The following TMEM132C variants were observed in gnomAD, a reference collection of about 807,000 sequenced individuals.
The protein encoded by TMEM132C is transmembrane protein 132C.
A neutral mutation model predicts 61.4 loss-of-function variants in TMEM132C; 29 were observed. The ratio of observed to expected loss-of-function variants is 0.47; its 90% CI spans 0.35 to 0.64. TMEM132C has a LOEUF of 0.64. Among genes scored for constraint, TMEM132C ranks in the 30% least tolerant of loss-of-function variants. The pLI is 0.00. For missense variants in TMEM132C, 1,408 were observed against 1,476.9 expected, an observed-to-expected ratio of 0.95 and a Z score of 0.76; for synonymous variants, 656 against 633.1, an observed-to-expected ratio of 1.04 and a Z score of -0.54.
At chr12:128,618,562 C>T (rs1041152054) in intron 4 of TMEM132C, among the ~76,000 whole-genome samples, 43 of 152,148 alleles carry the variant, frequency 2.8e-4, no homozygotes, top group African/African-American at 9.9e-4. Context: ...CCATAATTCC[C>T]ACATGTTGTG....
At chr12:128,639,162 G>GTGA (rs755085482) in intron 4 of TMEM132C, among the ~76,000 whole-genome samples, 15 of 122,404 alleles carry the variant, frequency 1.2e-4, no homozygotes, top group African/African-American at 2.5e-4. Flanking sequence ...GATGGTGATG[G>GTGA]TGGTGATGGT....
chr12:128,608,208 G>A (rs1876494297), intron 3 of TMEM132C, among the ~76,000 whole-genome samples: 1 of 151,906 alleles, frequency 6.6e-6, no homozygotes, highest in African/African-American at 2.4e-5. Context: ...GCTACCATAT[G>A]CATTAAGCTC....
chr12:128,510,482 G>A (rs10773548), intron 2 of TMEM132C, among the ~76,000 whole-genome samples: 136,054 of 152,190 alleles, frequency 0.89, 62,682 homozygotes, highest in East Asian at 1. Context: ...CCGGGCTAAG[G>A]CCTCTCAAGC....
chr12:128,359,302 T>C (rs779615072), intron 1 of TMEM132C, among the ~76,000 whole-genome samples: 25 of 152,118 alleles, frequency 1.6e-4, no homozygotes, highest in Non-Finnish European at 3.7e-4. Flanking sequence ...GCAAGGGACG[T>C]CTTACATGGT....
chr12:128,586,624 T>G (rs982815499), intron 3 of TMEM132C, among the ~76,000 whole-genome samples: 1 of 152,250 alleles, frequency 6.6e-6, no homozygotes, highest in African/African-American at 2.4e-5. Flanking sequence ...GTATCTTCCT[T>G]GTTTTGTTCT....
chr12:128,494,198 GC>G (rs1871856533), intron 2 of TMEM132C, among the ~76,000 whole-genome samples: 1 of 152,186 alleles, frequency 6.6e-6, no homozygotes, highest in Non-Finnish European at 1.5e-5. Flanking sequence ...CAGGGATGAA[GC>G]CCACTTGATC....
chr12:128,307,628 C>T (rs905340028), intron 1 of TMEM132C, among the ~76,000 whole-genome samples: 24 of 152,268 alleles, frequency 1.6e-4, no homozygotes, highest in African/African-American at 5.8e-4. Flanking sequence ...AATTATTCCT[C>T]GATGTCTATT....
At chr12:128,438,406 C>T (rs1869670877) in intron 2 of TMEM132C, among the ~76,000 whole-genome samples, 1 of 152,150 alleles carries the variant, frequency 6.6e-6, no homozygotes, top group South Asian at 2.1e-4. Context: ...GCCATGTGAT[C>T]TCTGCACACA....
At chr12:128,516,841 G>A (rs1872734606) in intron 2 of TMEM132C, among the ~76,000 whole-genome samples, 1 of 151,890 alleles carries the variant, frequency 6.6e-6, no homozygotes, top group Admixed American at 6.6e-5. Context: ...TTGAACTCCG[G>A]GGTTCAAGGT....
rs111941299 is a variant in TMEM132C, at chr12:128,268,184, C to G, written c.85+697C>G. Among the ~76,000 whole-genome samples, 1,313 of 152,302 alleles carry G rather than the reference C, an allele frequency of 8.6e-3. 13 individuals carry two copies. The highest frequency in any genetic ancestry group is 0.028 in the African/African-American group (1,170 of 41,568). ...GAACTACCTCACCAGCGGTCCTGTCCGGGGCTCCTTCACCTCAGTGTCCTC... is the reference window on the plus strand; with the variant it reads ...GAACTACCTCACCAGCGGTCCTGTCGGGGGCTCCTTCACCTCAGTGTCCTC... On this transcript the variant is annotated intron_variant, in intron 1 of 8. Transcript: ENST00000435159.
intron 3 of TMEM132C, among the ~76,000 whole-genome samples, chr12:128,587,828 G>C (rs1421228782): frequency 6.6e-6 from 1 of 152,198 alleles, no homozygotes; most frequent in Non-Finnish European, 1.5e-5. Context: ...GAAAAAAAGT[G>C]AGTCGATTTA....
Position 128,497,622 on chromosome 12 carries a change from C to T in TMEM132C, c.975-46335C>T, listed in dbSNP as rs372950418. On this transcript the variant is annotated intron_variant, in intron 2 of 8. Transcript: ENST00000435159. ...AGCGAGGCTCCGTGGGCATGGGACC[C>T]TCTGAGCCAGGTGCGGGATATAATC... is the stretch of plus-strand genomic sequence containing the variant. 7.2e-5 allele frequency among the ~76,000 whole-genome samples: 11 copies of T among 152,210 alleles called. No individual in the cohort carries two copies. The South Asian group carries it at 8.3e-4, about 11-fold the overall frequency.
intron 4 of TMEM132C, among the ~76,000 whole-genome samples, chr12:128,637,768 C>G (rs144989919): frequency 3.7e-3 from 569 of 152,274 alleles, no homozygotes; most frequent in Non-Finnish European, 6.1e-3. Context: ...GAGGCCTGCT[C>G]TGCTACAAAC....
intron 1 of TMEM132C, among the ~76,000 whole-genome samples, chr12:128,344,113 T>C (rs1182326758): frequency 2.6e-5 from 4 of 152,356 alleles, no homozygotes; most frequent in South Asian, 4.1e-4. Context: ...TGAACATTTA[T>C]GATTCATGTA....
intron 1 of TMEM132C, among the ~76,000 whole-genome samples, chr12:128,396,904 G>A (rs1593038774): frequency 6.6e-6 from 1 of 152,324 alleles, no homozygotes; most frequent in Non-Finnish European, 1.5e-5. Flanking sequence ...ACTGTGGATA[G>A]CCTCTTCTAT....
At chr12:128,645,398 C>T (rs1304219583) in intron 4 of TMEM132C, among the ~76,000 whole-genome samples, 1 of 152,156 alleles carries the variant, frequency 6.6e-6, no homozygotes, top group Non-Finnish European at 1.5e-5. Context: ...CGTGGAGAAG[C>T]CCTCACTGCC....
chr12:128,370,835 A>T (rs1874007212), intron 1 of TMEM132C, among the ~76,000 whole-genome samples: 1 of 152,184 alleles, frequency 6.6e-6, no homozygotes, highest in East Asian at 1.9e-4. Flanking sequence ...CCATTTATTC[A>T]TAGAATTCAA....
At chr12:128,353,430 A>G (rs1247388907) in intron 1 of TMEM132C, among the ~76,000 whole-genome samples, 1 of 152,096 alleles carries the variant, frequency 6.6e-6, no homozygotes, top group Non-Finnish European at 1.5e-5. Flanking sequence ...CGACTCCTTC[A>G]ATTTCTGCCA....
intron 1 of TMEM132C, among the ~76,000 whole-genome samples, chr12:128,397,065 C>T (rs1874982932): frequency 6.6e-6 from 1 of 152,126 alleles, no homozygotes. Flanking sequence ...CAATCAGGTG[C>T]CCCCACCATA....
Sources: gnomAD v4.1 joint callset for allele counts (sites outside exome capture counted in the v4.1 genomes callset) on GRCh38, gnomAD v4.1.1 for gene constraint, MANE v1.5 for transcripts, NCBI Gene and HGNC (gene_info 2026-07-23, HGNC 2026-07-21) for gene names.